ANKRD26: variants seen among roughly 807,000 people sequenced by gnomAD.
ANKRD26 encodes the protein ankyrin repeat domain 26.
Under a neutral mutation model 208.7 loss-of-function variants are expected in ANKRD26, and 141 were observed. The ratio of observed to expected loss-of-function variants is 0.68; its 90% CI spans 0.59 to 0.78. The LOEUF (loss-of-function observed/expected upper bound fraction) is 0.78. Among genes scored for constraint, ANKRD26 ranks in the 30% least tolerant of loss-of-function variants. The pLI is 0.00. For synonymous variants in ANKRD26, 636 were observed against 660.4 expected, an observed-to-expected ratio of 0.96 and a Z score of 0.57; for missense variants, 1,889 against 1,938.7, an observed-to-expected ratio of 0.97 and a Z score of 0.48.
rs11015480 is a variant in ANKRD26, at chr10:27,046,196, T to C, written c.1985+157A>G. 12,774 of 779,358 alleles carry C rather than the reference T, an allele frequency of 0.016. 174 individuals are homozygous for C. The highest frequency in any genetic ancestry group is 0.042 in the South Asian group (2,443 of 58,196). 48.3% of individuals were successfully genotyped at this position (779,358 alleles called of 1,614,324 possible). A position where few individuals can be genotyped will look rare whatever the true frequency, so the allele number is the denominator to read the frequency against. ...GCTCCATGGTGACCATTTATTGAAATGGCTGCTTGTCAAAGTCACTTGTCC... is the reference window on the plus strand; with the variant it reads ...GCTCCATGGTGACCATTTATTGAAACGGCTGCTTGTCAAAGTCACTTGTCC... On this transcript the variant is annotated intron_variant, in intron 18 of 33. Transcript: ENST00000376087.
At chr10:27,086,455 C>A (rs1360813631) in intron 5 of ANKRD26, 84 bp downstream of exon 5, 3 of 1,548,508 alleles carry the variant, frequency 1.9e-6, no homozygotes, top group Non-Finnish European at 2.6e-6. Flanking sequence ...TTTAAAACTG[C>A]TTTTCTGTGA....
intron 3 of ANKRD26, among the ~76,000 whole-genome samples, chr10:26,984,363 T>C (rs2052353196): frequency 6.6e-6 from 1 of 152,208 alleles, no homozygotes; most frequent in Non-Finnish European, 1.5e-5. Flanking sequence ...GAGGCTAAGA[T>C]CCTTGGCTGG....
chr10:27,028,707 T>A lies in ANKRD26; in HGVS notation c.3972+145A>T, dbSNP rs529113740. 6.0e-6 allele frequency: 4 copies of A among 670,642 alleles called. No homozygotes were observed. The African/African-American group carries it at 7.2e-5, about 12-fold the overall frequency. The allele number at this position is 670,642 out of a possible 1,614,324, so 41.5% of individuals were successfully genotyped here. A position where few individuals can be genotyped will look rare whatever the true frequency, so the allele number is the denominator to read the frequency against. ...CCTGTCTCCAAGATATCTCATTATG[T>A]ATGTACAAATATTCCAAAATAAAAA... is the stretch of plus-strand genomic sequence containing the variant. On this transcript the variant is annotated intron_variant, in intron 27 of 33. Coordinates refer to ENST00000376087, the MANE Select transcript of ANKRD26 (RefSeq NM_014915.3).
chr10:27,029,141 C>T (rs777777528), intron 26 of ANKRD26, 145 bp downstream of exon 26: 96 of 1,112,346 alleles, frequency 8.6e-5, no homozygotes, highest in South Asian at 7.7e-4. Context: ...TAAAAAAATC[C>T]GCATTTCAAA....
At chr10:26,978,857 A>G (rs2052264866) in intron 5 of ANKRD26, among the ~76,000 whole-genome samples, 1 of 152,348 alleles carries the variant, frequency 6.6e-6, no homozygotes, top group Non-Finnish European at 1.5e-5. Flanking sequence ...AAGTGGATTC[A>G]TAAGTGTTGA....
At chr10:26,957,456 G>A in the ANKRD26 span, among the ~76,000 whole-genome samples, 1 of 152,156 alleles carries the variant, frequency 6.6e-6, no homozygotes, top group Admixed American at 6.5e-5. Context: ...GATAGCCATA[G>A]AACAAAGTTG....
At chr10:27,011,543 C>T (rs552872224) in intron 32 of ANKRD26, among the ~76,000 whole-genome samples, 55 of 152,096 alleles carry the variant, frequency 3.6e-4, no homozygotes, top group Admixed American at 1.4e-3. Context: ...ATTGATAAAA[C>T]TTGTCATTGT....
downstream of ANKRD26, among the ~76,000 whole-genome samples, chr10:26,972,174 G>T (rs1407121413): frequency 6.6e-6 from 1 of 151,136 alleles, no homozygotes; most frequent in South Asian, 2.1e-4. Context: ...GGCGGAGCTT[G>T]CAGTGAGCCG....
chr10:27,016,023 G>A (rs906506483), intron 30 of ANKRD26, among the ~76,000 whole-genome samples: 19 of 152,148 alleles, frequency 1.2e-4, no homozygotes, highest in African/African-American at 4.1e-4. Context: ...TCAGTCTGTC[G>A]CCCATGCTTC....
downstream of ANKRD26, among the ~76,000 whole-genome samples, chr10:26,987,313 G>C (rs2134648486): frequency 6.6e-6 from 1 of 152,280 alleles, no homozygotes; most frequent in African/African-American, 2.4e-5. Flanking sequence ...ATAGCATTAG[G>C]AGATATACCT....
chr10:26,973,408 A>G (rs536175504), downstream of ANKRD26, among the ~76,000 whole-genome samples: 3 of 151,344 alleles, frequency 2.0e-5, no homozygotes, highest in South Asian at 6.2e-4. Flanking sequence ...TGATTTTAAT[A>G]TAATTGTTAT....
chr10:27,032,539 G>T (rs1206084373), intron 25 of ANKRD26, among the ~76,000 whole-genome samples: 1 of 152,082 alleles, frequency 6.6e-6, no homozygotes, highest in African/African-American at 2.4e-5. Context: ...GGGAGGCTGA[G>T]GCAGGAGAAT....
chr10:27,087,072 C>A (rs1462826038), intron 4 of ANKRD26, among the ~76,000 whole-genome samples: 1 of 151,974 alleles, frequency 6.6e-6, no homozygotes, highest in African/African-American at 2.4e-5. Flanking sequence ...GCACCCAGCC[C>A]AAACTTCTTA....
downstream of ANKRD26, among the ~76,000 whole-genome samples, chr10:26,972,997 A>G (rs563409751): frequency 6.6e-6 from 1 of 152,314 alleles, no homozygotes; most frequent in Admixed American, 6.5e-5. Context: ...CACTTGCCAT[A>G]CCATGCTCAT....
At chr10:27,025,359 CAG>C (rs2053626740) in intron 27 of ANKRD26, among the ~76,000 whole-genome samples, 1 of 152,000 alleles carries the variant, frequency 6.6e-6, no homozygotes, top group South Asian at 2.1e-4. Flanking sequence ...TTTTTAGAGA[CAG>C]AGTTTTGCTA....
chr10:27,068,144 A>C (rs2055334300), intron 9 of ANKRD26, among the ~76,000 whole-genome samples: 1 of 152,180 alleles, frequency 6.6e-6, no homozygotes, highest in South Asian at 2.1e-4. Context: ...CTCATCTTGA[A>C]TTGTAATCCT....
chr10:27,092,020 G>A (rs769045205), intron 4 of ANKRD26, among the ~76,000 whole-genome samples: 11 of 151,258 alleles, frequency 7.3e-5, no homozygotes, highest in Non-Finnish European at 1.5e-4. Flanking sequence ...GTTAAAGTCC[G>A]CATTTTATAA....
chr10:27,041,419 AG>A, intron 20 of ANKRD26, among the ~76,000 whole-genome samples: 1 of 152,198 alleles, frequency 6.6e-6, no homozygotes. Flanking sequence ...TCATTCCCAC[AG>A]TCAGGCTGAA....
rs61459601 is a variant in ANKRD26, at chr10:26,992,469, TACACACACACACACACAC to T, written c.*30-482_*30-465del. On this transcript the variant is annotated intron_variant, in intron 5 of 5. Transcript: ENST00000445828. Reference sequence around the variant, plus strand: ...AAAAGAAAGATAAAATACACACACGTACACACACACACACACACACACACACACACACACACACAGAGA... The same window carrying T: ...AAAAGAAAGATAAAATACACACACGTACACACACACACACACACACAGAGA... Among the ~76,000 whole-genome samples the T allele has an allele frequency of 3.4e-4, 47 of 136,392 alleles. No individual in the cohort carries two copies. In the South Asian group the frequency reaches 0.012, roughly 33 times the overall value. 89.5% of individuals were successfully genotyped at this position (136,392 alleles called of 152,430 possible). A position where few individuals can be genotyped will look rare whatever the true frequency, so the allele number is the denominator to read the frequency against.
Sources: allele counts gnomAD v4.1 joint callset (sites outside exome capture counted in the v4.1 genomes callset), GRCh38; gene constraint gnomAD v4.1.1; transcripts MANE v1.5; gene names NCBI Gene and HGNC (gene_info 2026-07-23, HGNC 2026-07-21).